SENP7: variants seen among roughly 807,000 people sequenced by gnomAD.
SENP7 encodes the protein SUMO specific peptidase 7.
In SENP7, 64 loss-of-function variants were observed where a neutral mutation model predicts 141.2. The ratio of observed to expected loss-of-function variants is 0.45; its 90% CI spans 0.37 to 0.56. The LOEUF is 0.56. Among genes scored for constraint, SENP7 ranks in the 20% least tolerant of loss-of-function variants. The probability of loss-of-function intolerance (pLI) is 0.00; values close to 1 mark genes in which losing one functional copy is unlikely to be tolerated. For synonymous variants in SENP7, 382 were observed against 426.4 expected (o/e 0.90, Z 1.28); for missense variants, 1,025 against 1,212.2 (o/e 0.85, Z 2.29).
intron 4 of SENP7, chr3:101,457,370 T>C: frequency 7.0e-7 from 1 of 1,426,490 alleles, no homozygotes; most frequent in Non-Finnish European, 9.8e-7. Flanking sequence ...CTTCAGCCAG[T>C]CTGCTTAAAC....
At chr3:101,391,475 A>G (rs190714409) in intron 6 of SENP7, among the ~76,000 whole-genome samples, 39 of 152,280 alleles carry the variant, frequency 2.6e-4, no homozygotes, top group Admixed American at 1.8e-3. Context: ...ATGCCAGCAA[A>G]CTGGAAAATC....
intron 7 of SENP7, 80 bp from the exon 8 acceptor site, chr3:101,368,091 T>A (rs527498791): frequency 9.6e-7 from 1 of 1,040,472 alleles, no homozygotes; most frequent in Non-Finnish European, 1.4e-6. Context: ...AGTAACATCA[T>A]CAGGATTGCT....
intron 4 of SENP7, among the ~76,000 whole-genome samples, chr3:101,452,569 C>A (rs1018729556): frequency 6.6e-6 from 1 of 152,216 alleles, no homozygotes; most frequent in Non-Finnish European, 1.5e-5. Context: ...CGCATAACTA[C>A]AACCATCTCA....
At chr3:101,396,519 C>T (rs2060973411) in intron 6 of SENP7, among the ~76,000 whole-genome samples, 1 of 151,874 alleles carries the variant, frequency 6.6e-6, no homozygotes. Context: ...AAAGTACCTT[C>T]CTTAATATTT....
intron 5 of SENP7, among the ~76,000 whole-genome samples, chr3:101,405,501 T>C (rs2061275969): frequency 6.6e-6 from 1 of 152,106 alleles, no homozygotes; most frequent in African/African-American, 2.4e-5. Flanking sequence ...AAACCAACTC[T>C]GGTAATATGA....
At chr3:101,371,966 A>G in intron 7 of SENP7, 42 bp downstream of exon 7, 3 of 828,662 alleles carry the variant, frequency 3.6e-6, no homozygotes, top group Non-Finnish European at 5.4e-6. Flanking sequence ...TAATACAATA[A>G]GAAAAAATTC....
At chr3:101,397,092 C>T (rs1251844309) in intron 6 of SENP7, among the ~76,000 whole-genome samples, 1 of 152,222 alleles carries the variant, frequency 6.6e-6, no homozygotes, top group African/African-American at 2.4e-5. Context: ...ATCCACCCGC[C>T]TCAGCCTCCC....
intron 5 of SENP7, among the ~76,000 whole-genome samples, chr3:101,409,272 G>A (rs902501827): frequency 6.6e-6 from 1 of 152,090 alleles, no homozygotes; most frequent in Non-Finnish European, 1.5e-5. Context: ...ACAAAACACT[G>A]CTGAAAGAAA....
At chr3:101,373,820 C>T (rs1362120443) in intron 6 of SENP7, among the ~76,000 whole-genome samples, 3 of 152,098 alleles carry the variant, frequency 2.0e-5, no homozygotes, top group African/African-American at 7.2e-5. Context: ...CTAAACTGTA[C>T]ATGGTGGAAA....
rs2065068611 is a variant in SENP7, at chr3:101,494,040, C to CTA, written c.91-74_91-73dup. On this transcript the variant is annotated intron_variant, in intron 2 of 23. Coordinates refer to ENST00000394095, the MANE Select transcript of SENP7 (RefSeq NM_020654.5). The stretch of plus-strand genomic sequence containing the variant: ...AGAGCTAATTCAGCTAACAGAACCA[C>CTA]TATACTACCCTGCATCAATAATTTG... The CTA allele has an allele frequency of 6.0e-6, 5 of 837,896 alleles. No homozygotes were observed. The South Asian group carries it at 8.3e-5, about 14-fold the overall frequency. 51.9% of individuals were successfully genotyped at this position (837,896 alleles called of 1,614,324 possible).
chr3:101,407,481 T>G (rs926429071), intron 5 of SENP7, among the ~76,000 whole-genome samples: 2 of 152,112 alleles, frequency 1.3e-5, no homozygotes, highest in African/African-American at 4.8e-5. Flanking sequence ...CCGCAGAATA[T>G]ATGTTCTATT....
At chr3:101,393,289 T>C (rs2060867368) in intron 6 of SENP7, among the ~76,000 whole-genome samples, 1 of 152,208 alleles carries the variant, frequency 6.6e-6, no homozygotes, top group African/African-American at 2.4e-5. Context: ...AATGATTTTT[T>C]AGATTTCACC....
At chr3:101,452,228 T>C (rs1389943613) in intron 4 of SENP7, among the ~76,000 whole-genome samples, 1 of 152,152 alleles carries the variant, frequency 6.6e-6, no homozygotes, top group Non-Finnish European at 1.5e-5. Context: ...CACAAACAAA[T>C]GGAAGAACAT....
At chr3:101,352,987 A>C (rs1467917928) in intron 11 of SENP7, among the ~76,000 whole-genome samples, 2 of 152,036 alleles carry the variant, frequency 1.3e-5, no homozygotes, top group Non-Finnish European at 2.9e-5. Context: ...TCTACCACTT[A>C]CACAAGTAGT....
At chr3:101,493,038 C>G (rs3932406) in intron 3 of SENP7, among the ~76,000 whole-genome samples, 60,330 of 151,906 alleles carry the variant, frequency 0.4, 12,489 homozygotes, top group Admixed American at 0.54. Context: ...AAATGTGGTA[C>G]ATATACACCA....
At chr3:101,448,294 A>G (rs1415273700) in intron 4 of SENP7, among the ~76,000 whole-genome samples, 1 of 152,238 alleles carries the variant, frequency 6.6e-6, no homozygotes, top group Non-Finnish European at 1.5e-5. Context: ...CACCATCAAG[A>G]GAGTGAGAAA....
intron 6 of SENP7, among the ~76,000 whole-genome samples, chr3:101,392,310 T>C (rs2060839274): frequency 6.6e-6 from 1 of 152,100 alleles, no homozygotes; most frequent in African/African-American, 2.4e-5. Context: ...ACCATACATA[T>C]AGAAAAACCT....
chr3:101,421,151 T>C (rs1230203691), intron 4 of SENP7, among the ~76,000 whole-genome samples: 1 of 152,060 alleles, frequency 6.6e-6, no homozygotes, highest in Admixed American at 6.6e-5. Context: ...AAAAGCAAGC[T>C]GAAGTATCTG....
At chr3:101,451,838 A>C (rs936148068) in intron 4 of SENP7, among the ~76,000 whole-genome samples, 6 of 152,232 alleles carry the variant, frequency 3.9e-5, no homozygotes, top group Non-Finnish European at 7.3e-5. Context: ...CTCCTATTCA[A>C]CATTGTGTTG....
Sources: allele counts gnomAD v4.1 joint callset (sites outside exome capture counted in the v4.1 genomes callset), GRCh38; gene constraint gnomAD v4.1.1; transcripts MANE v1.5; gene names NCBI Gene and HGNC (gene_info 2026-07-23, HGNC 2026-07-21).